Variants in CXADR observed in about 807,000 individuals in gnomAD.
CXADR encodes CXADR cell adhesion molecule.
A neutral mutation model predicts 40.3 loss-of-function variants in CXADR; 20 were observed. The ratio of observed to expected loss-of-function variants is 0.50; its 90% CI spans 0.35 to 0.72. The LOEUF (loss-of-function observed/expected upper bound fraction) is 0.72. Ranked by LOEUF, CXADR falls within the 30% of genes least tolerant of loss-of-function variation. The pLI, the probability that CXADR is intolerant of heterozygous loss-of-function variation, is 0.01. For synonymous variants in CXADR, 150 were observed against 161.3 expected (o/e 0.93, Z 0.53); for missense variants, 332 against 449.1 (o/e 0.74, Z 2.36).
At chr21:17,606,235 CAG>C in the CXADR span, among the ~76,000 whole-genome samples, 2 of 152,012 alleles carry the variant, frequency 1.3e-5, no homozygotes, top group Non-Finnish European at 2.9e-5. Flanking sequence ...AAAAAGGAGG[CAG>C]AGAGAGTTTG....
At chr21:17,552,085 C>A in intron 3 of CXADR, 132 bp downstream of exon 3, 2 of 672,652 alleles carry the variant, frequency 3.0e-6, no homozygotes, top group Non-Finnish European at 5.0e-6. Flanking sequence ...TGAAGTACTT[C>A]TATGTTGGAT....
the CXADR span, among the ~76,000 whole-genome samples, chr21:17,611,175 C>T: frequency 1.3e-5 from 2 of 152,154 alleles, no homozygotes; most frequent in Admixed American, 1.3e-4. Context: ...TATTCCACCA[C>T]GATACGATGG....
the CXADR span, among the ~76,000 whole-genome samples, chr21:17,621,347 G>A: frequency 6.6e-6 from 1 of 152,140 alleles, no homozygotes; most frequent in Non-Finnish European, 1.5e-5. Flanking sequence ...TGGTAGTGAG[G>A]ATGGGGTGGG....
chr21:17,615,630 T>C, the CXADR span, among the ~76,000 whole-genome samples: 2 of 152,202 alleles, frequency 1.3e-5, no homozygotes, highest in Non-Finnish European at 2.9e-5. Flanking sequence ...CTGGTGAAAA[T>C]GAAACCAGGG....
chr21:17,530,295 T>C (rs2060656405), intron 1 of CXADR: 1 of 367,248 alleles, frequency 2.7e-6, no homozygotes, highest in Non-Finnish European at 5.3e-6. Flanking sequence ...TCTTTTCTGA[T>C]TTCTAACAAT....
the CXADR span, among the ~76,000 whole-genome samples, chr21:17,616,105 G>T: frequency 6.6e-6 from 1 of 151,968 alleles, no homozygotes; most frequent in Admixed American, 6.5e-5. Context: ...ACAAAAATTA[G>T]CCAGGTGTGG....
At chr21:17,574,555 T>G (rs967330220), downstream of CXADR, among the ~76,000 whole-genome samples, 1 of 152,192 alleles carries the variant, frequency 6.6e-6, no homozygotes, top group Non-Finnish European at 1.5e-5. Flanking sequence ...ATAAAATGTC[T>G]ATTAGAATCC....
chr21:17,531,946 T>TG (rs1340503560), intron 1 of CXADR, among the ~76,000 whole-genome samples: 1 of 151,362 alleles, frequency 6.6e-6, no homozygotes, highest in Non-Finnish European at 1.5e-5. Flanking sequence ...GGTTTTTTTT[T>TG]TTTTTGGTGG....
chr21:17,559,498 A>G (rs1259659930), intron 4 of CXADR, among the ~76,000 whole-genome samples: 4 of 151,794 alleles, frequency 2.6e-5, no homozygotes, highest in African/African-American at 9.7e-5. Context: ...CTGCTTGTAT[A>G]TTGTAGATTC....
intron 1 of CXADR, chr21:17,527,128 G>C (rs2060607299): frequency 3.3e-5 from 5 of 152,190 alleles, no homozygotes; most frequent in Admixed American, 2.6e-4. Flanking sequence ...TTGAAAAGGA[G>C]AATAATTTTT....
chr21:17,580,559 G>A (rs2061353132), intron 7 of CXADR, among the ~76,000 whole-genome samples: 1 of 152,092 alleles, frequency 6.6e-6, no homozygotes, highest in African/African-American at 2.4e-5. Context: ...GCAGTGAGTT[G>A]TGATCGCACT....
At chr21:17,530,393 C>T (rs1448217791) in intron 1 of CXADR, 1 of 454,898 alleles carries the variant, frequency 2.2e-6, no homozygotes, top group Admixed American at 2.4e-5. Context: ...TAAGATTATT[C>T]ATGTTGTGTA....
intron 7 of CXADR, among the ~76,000 whole-genome samples, chr21:17,587,070 A>C (rs1264074786): frequency 6.6e-6 from 1 of 152,156 alleles, no homozygotes; most frequent in Non-Finnish European, 1.5e-5. Flanking sequence ...ACATGAACTC[A>C]TCATTTTTTA....
chr21:17,626,122 A>G, the CXADR span, among the ~76,000 whole-genome samples: 1 of 151,844 alleles, frequency 6.6e-6, no homozygotes, highest in Non-Finnish European at 1.5e-5. Context: ...TTTCCTATGC[A>G]TTTCCCCCTT....
chr21:17,573,675 G>A (rs1458313361), downstream of CXADR, among the ~76,000 whole-genome samples: 2 of 152,162 alleles, frequency 1.3e-5, no homozygotes, highest in Non-Finnish European at 2.9e-5. Flanking sequence ...TTGGGAGGCC[G>A]AGGCAAGTGG....
At chr21:17,599,740 A>G in the CXADR span, among the ~76,000 whole-genome samples, 3 of 152,186 alleles carry the variant, frequency 2.0e-5, no homozygotes, top group Non-Finnish European at 4.4e-5. Context: ...TCGGCCTCCC[A>G]AAGTGCTGGG....
At position 17,513,089 on chromosome 21, in the gene CXADR, G is replaced by C. The variant is rs2123074595; in HGVS notation, c.-41G>C. 7.5e-7 allele frequency: 1 copy of C among 1,338,084 alleles called. No homozygotes were observed. Among genetic ancestry groups the C allele is most frequent in the Non-Finnish European group, 9.6e-7 (1 of 1,042,066 alleles). 82.9% of individuals were successfully genotyped at this position (1,338,084 alleles called of 1,614,324 possible). On this transcript the variant is annotated 5_prime_UTR_variant, in exon 1 of 7. Coordinates refer to ENST00000284878, the MANE Select transcript of CXADR (RefSeq NM_001338.5). ...GGGGAGCCTGGGACCAGGAGCGAGA[G>C]CCGCCTACCTGCAGCCGCCGCCCAC...
the CXADR span, among the ~76,000 whole-genome samples, chr21:17,607,142 G>A: frequency 6.6e-6 from 1 of 152,090 alleles, no homozygotes; most frequent in African/African-American, 2.4e-5. Context: ...ACTCAGTAAT[G>A]ATACTTCTGA....
intron 1 of CXADR, among the ~76,000 whole-genome samples, chr21:17,526,022 A>G (rs897793482): frequency 6.6e-6 from 1 of 152,266 alleles, no homozygotes; most frequent in Non-Finnish European, 1.5e-5. Flanking sequence ...CATGTATTCA[A>G]ATGAAAAATA....
Sources: allele counts gnomAD v4.1 joint callset (sites outside exome capture counted in the v4.1 genomes callset), GRCh38; gene constraint gnomAD v4.1.1; transcripts MANE v1.5; gene names NCBI Gene and HGNC (gene_info 2026-07-23, HGNC 2026-07-21).